AHCYL1: variants seen among roughly 807,000 people sequenced by gnomAD.
AHCYL1 encodes S-adenosylhomocysteine hydrolase-like protein 1.
In AHCYL1, 20 loss-of-function variants were observed where a neutral mutation model predicts 79.3. That is an observed-to-expected ratio of 0.25 (90% CI 0.18 to 0.37). The LOEUF (loss-of-function observed/expected upper bound fraction) is 0.37, where lower values mean the gene tolerates loss of function less well. Ranked by LOEUF, AHCYL1 falls within the 10% of genes least tolerant of loss-of-function variation. The pLI, the probability that AHCYL1 is intolerant of heterozygous loss-of-function variation, is 1.00. For synonymous variants in AHCYL1, 223 were observed against 242.2 expected (o/e 0.92, Z 0.74); for missense variants, 330 against 673.6 (o/e 0.49, Z 5.65).
chr1:110,004,985 GTTAC>G (rs1328496057), intron 1 of AHCYL1, among the ~76,000 whole-genome samples: 3 of 152,088 alleles, frequency 2.0e-5, no homozygotes. Flanking sequence ...GTTTTTTATT[GTTAC>G]TTTTTTTTTG....
chr1:109,994,143 C>G (rs902234382), intron 1 of AHCYL1, among the ~76,000 whole-genome samples: 1 of 152,206 alleles, frequency 6.6e-6, no homozygotes, highest in South Asian at 2.1e-4. Flanking sequence ...AATGCTTATC[C>G]TAGCCAGAAG....
chr1:109,988,754 A>C (rs1428755666), intron 1 of AHCYL1, among the ~76,000 whole-genome samples: 1 of 152,236 alleles, frequency 6.6e-6, no homozygotes, highest in Admixed American at 6.5e-5. Context: ...GGGAAGGAGA[A>C]GAGCACAGAA....
intron 6 of AHCYL1, 124 bp from the exon 7 acceptor site, chr1:110,015,301 G>T (rs1651342639): frequency 8.0e-6 from 6 of 754,306 alleles, no homozygotes; most frequent in Non-Finnish European, 1.4e-5. Context: ...CCTGCTCTAG[G>T]GAGCTCTGAG....
chr1:109,997,709 G>A (rs935632926), intron 1 of AHCYL1, among the ~76,000 whole-genome samples: 5 of 152,164 alleles, frequency 3.3e-5, no homozygotes, highest in African/African-American at 1.2e-4. Context: ...TGAATGAAAT[G>A]GGACACTGGG....
chr1:109,997,718 G>A (rs1199616380), intron 1 of AHCYL1, among the ~76,000 whole-genome samples: 1 of 152,186 alleles, frequency 6.6e-6, no homozygotes, highest in Non-Finnish European at 1.5e-5. Context: ...TGGGACACTG[G>A]GAGAGAGAAT....
At chr1:110,017,716 C>T in intron 10 of AHCYL1, 133 bp downstream of exon 10, 1 of 1,066,884 alleles carries the variant, frequency 9.4e-7, no homozygotes, top group Non-Finnish European at 1.4e-6. Context: ...CTCTGTTCTT[C>T]TCACTCTAAC....
chr1:110,011,384 C>A, intron 3 of AHCYL1, 27 bp downstream of exon 3: 1 of 1,608,576 alleles, frequency 6.2e-7, no homozygotes, highest in Non-Finnish European at 8.5e-7. Context: ...GGTTAGGGGA[C>A]CAGAAACAAC....
Position 110,017,980 on chromosome 1 carries a change from G to A in AHCYL1, c.1087G>A (p.Val363Ile), listed in dbSNP as rs1651529984. 1 of 1,614,148 alleles carries A rather than the reference G, an allele frequency of 6.2e-7. No individual in the cohort carries two copies. ...GTTCAGGGTGGTAAAGCTAAATGAA[G>A]TCATCCGGCAAGTCGATGTCGTAAT... is the stretch of plus-strand genomic sequence containing the variant. The part of the protein sequence containing the change: ...DGFRVVKLNE[V>I]IRQVDVVITC... Residue 363 changes from valine to isoleucine, a missense_variant, in exon 11 of 17, where the codon GTC becomes ATC. Transcript: ENST00000369799.
At chr1:109,989,515 A>G (rs1201853894) in intron 1 of AHCYL1, among the ~76,000 whole-genome samples, 1 of 152,082 alleles carries the variant, frequency 6.6e-6, no homozygotes, top group Non-Finnish European at 1.5e-5. Context: ...CACCACGCCC[A>G]CCCCAATATA....
chr1:109,994,429 A>C (rs907227157), intron 1 of AHCYL1, among the ~76,000 whole-genome samples: 7 of 151,810 alleles, frequency 4.6e-5, no homozygotes, highest in Admixed American at 2.6e-4. Flanking sequence ...CACCTGGCTA[A>C]ATTTTTTTTG....
chr1:110,014,290 A>G (rs1651264915), intron 5 of AHCYL1, among the ~76,000 whole-genome samples: 1 of 152,204 alleles, frequency 6.6e-6, no homozygotes. Context: ...ATAAATTCTA[A>G]TATGTATACA....
chr1:109,985,220 G>T, intron 1 of AHCYL1, 48 bp downstream of exon 1: 3 of 1,576,970 alleles, frequency 1.9e-6, no homozygotes, highest in Non-Finnish European at 2.6e-6. Context: ...CGGCCTCGCG[G>T]AAGGGACGCG....
At chr1:109,992,673 T>C (rs1649829629) in intron 1 of AHCYL1, among the ~76,000 whole-genome samples, 1 of 152,194 alleles carries the variant, frequency 6.6e-6, no homozygotes, top group East Asian at 1.9e-4. Flanking sequence ...TATGCTTCTC[T>C]TTTGCCTATT....
intron 11 of AHCYL1, 24 bp downstream of exon 11, chr1:110,018,040 G>A (rs745664330): frequency 3.4e-5 from 55 of 1,613,106 alleles, no homozygotes; most frequent in Admixed American, 1.7e-5. Context: ...ATAGAGAAGT[G>A]TTTATTCAGA....
Position 110,011,330 on chromosome 1 carries a change from C to A in AHCYL1, c.349C>A (p.Arg117Ser). The change falls in exon 3 of 17, where the codon CGC (arginine) becomes AGC (serine). Residue 117 changes from arginine to serine, a missense_variant. This residue lies in a region of AHCYL1 where 97 missense variants were observed against 176.3 expected (regional missense o/e 0.55). Coordinates refer to ENST00000369799, the MANE Select transcript of AHCYL1 (RefSeq NM_006621.7). The stretch of plus-strand genomic sequence containing the variant: ...GAACATCAAGCAGGCAGAATTTGGA[C>A]GCCGGGAGATTGAGATTGCAGAGCA... ...VKNIKQAEFG[R>S]REIEIAEQDM... 1 of 1,613,916 alleles carries A rather than the reference C, an allele frequency of 6.2e-7. No individual in the cohort carries two copies. Among genetic ancestry groups the A allele is most frequent in the Non-Finnish European group, 8.5e-7 (1 of 1,179,942 alleles).
chr1:110,004,247 C>T (rs1343393767), intron 1 of AHCYL1: 2 of 985,360 alleles, frequency 2.0e-6, no homozygotes, highest in Non-Finnish European at 2.4e-6. Flanking sequence ...AGCCTGCCCT[C>T]CCTCTCCCCC....
At chr1:110,003,756 A>C (rs963341144) in intron 1 of AHCYL1, among the ~76,000 whole-genome samples, 1 of 152,230 alleles carries the variant, frequency 6.6e-6, no homozygotes, top group African/African-American at 2.4e-5. Flanking sequence ...TAGGCATTGA[A>C]ACAGTCTGGG....
chr1:110,011,710 C>T (rs1475406473), intron 3 of AHCYL1, among the ~76,000 whole-genome samples: 1 of 152,220 alleles, frequency 6.6e-6, no homozygotes, highest in Non-Finnish European at 1.5e-5. Context: ...GGCAGAGACC[C>T]AGATTGCCCA....
At chr1:110,008,022 G>GTTTTT (rs5776999) in intron 1 of AHCYL1, among the ~76,000 whole-genome samples, 1 of 87,480 alleles carries the variant, frequency 1.1e-5, no homozygotes, top group African/African-American at 4.1e-5. Context: ...TTTTTTTTGG[G>GTTTTT]TTTTTTTTTT....
Sources: gnomAD v4.1 joint callset for allele counts (sites outside exome capture counted in the v4.1 genomes callset) on GRCh38, gnomAD v4.1.1 for gene constraint, gnomAD v4.1.1 regional missense constraint, MANE v1.5 for transcripts, NCBI Gene and HGNC (gene_info 2026-07-23, HGNC 2026-07-21) for gene names.